ZNF274: variants seen among roughly 807,000 people sequenced by gnomAD.
The protein encoded by ZNF274 is neurotrophin receptor-interacting factor homolog.
A neutral mutation model predicts 42.5 loss-of-function variants in ZNF274; 23 were observed. The ratio of observed to expected loss-of-function variants is 0.54; its 90% CI spans 0.39 to 0.77. The LOEUF is 0.77. ZNF274 is among the 30% of genes least tolerant of loss of function. The pLI, the probability that ZNF274 is intolerant of heterozygous loss-of-function variation, is 0.00. For synonymous variants in ZNF274, 292 were observed against 305.4 expected (o/e 0.96, Z 0.46); for missense variants, 679 against 806.5 (o/e 0.84, Z 1.91).
In ZNF274 at chr19:58,207,408, A is replaced by C. The variant is rs2075992275; in HGVS notation, c.739+206A>C. Reference sequence around the variant, plus strand: ...TTCTTTAGCCCTTCGTGGGCTTCTGATGGAAGCACACAGATGAAGTGCTTC... The same window carrying C: ...TTCTTTAGCCCTTCGTGGGCTTCTGCTGGAAGCACACAGATGAAGTGCTTC... On this transcript the variant is annotated intron_variant, in intron 5 of 7. Transcript: ENST00000617501. The surrounding 1 kb of genome is among the most constrained non-coding windows in gnomAD (Gnocchi z 5.6). Among the ~76,000 whole-genome samples, 1 of 152,116 alleles carries C rather than the reference A, an allele frequency of 6.6e-6. No individual in the cohort carries two copies. Among genetic ancestry groups the C allele is most frequent in the Non-Finnish European group, 1.5e-5 (1 of 68,030 alleles).
At chr19:58,184,133 C>A in intron 2 of ZNF274, 135 bp downstream of exon 2, 1 of 976,304 alleles carries the variant, frequency 1.0e-6, no homozygotes, top group South Asian at 1.5e-5. Flanking sequence ...ATTGGTTGGG[C>A]ATGAGAGATC....
chr19:58,196,506 G>A (rs2075844245), intron 4 of ZNF274, among the ~76,000 whole-genome samples: 1 of 152,166 alleles, frequency 6.6e-6, no homozygotes, highest in Non-Finnish European at 1.5e-5. Context: ...AGGTTGCAGT[G>A]AGCTGGGATC....
chr19:58,200,845 T>G (rs1568705853), intron 4 of ZNF274, among the ~76,000 whole-genome samples: 1 of 152,124 alleles, frequency 6.6e-6, no homozygotes, highest in Admixed American at 6.6e-5. Flanking sequence ...TTTAATTGGC[T>G]CACAGTTCTG....
At chr19:58,186,553 G>T (rs1036123233) in intron 3 of ZNF274, among the ~76,000 whole-genome samples, 2 of 76,522 alleles carry the variant, frequency 2.6e-5, no homozygotes, top group East Asian at 6.0e-4. Context: ...AAAAAAAAAA[G>T]CCTGTCCCTT....
Position 58,186,806 on chromosome 19 carries a change from G to A in ZNF274, c.161-141G>A, listed in dbSNP as rs534107176. The A allele has an allele frequency of 3.1e-5, 21 of 667,602 alleles. No homozygotes were observed. The East Asian group carries it at 4.4e-4, about 14-fold the overall frequency. 41.4% of individuals were successfully genotyped at this position (667,602 alleles called of 1,614,324 possible). A position where few individuals can be genotyped will look rare whatever the true frequency, so the allele number is the denominator to read the frequency against. On this transcript the variant is annotated intron_variant, in intron 3 of 7. Coordinates refer to ENST00000617501, the MANE Select transcript of ZNF274 (RefSeq NM_133502.3). ...TCTAGGAAAGCCAACAACAGGGATG[G>A]ATGGAGTTGTGTTCACTGCTCTAGG...
chr19:58,203,092 CGTTTAAGATGTTTAA>C (rs1304166456), intron 4 of ZNF274, among the ~76,000 whole-genome samples: 8 of 152,228 alleles, frequency 5.3e-5, no homozygotes, highest in African/African-American at 1.4e-4. Flanking sequence ...TATGAAGTAA[CGTTTAAGATGTTTAA>C]GTGTCATGCA....
chr19:58,187,209 T>C (rs1464512984), intron 4 of ZNF274, among the ~76,000 whole-genome samples, 167 bp downstream of exon 4: 2 of 152,224 alleles, frequency 1.3e-5, no homozygotes, highest in Admixed American at 1.3e-4. Context: ...GTCAGCAGTG[T>C]CCTACTTGGT....
At chr19:58,200,996 G>GT (rs765393739) in intron 4 of ZNF274, among the ~76,000 whole-genome samples, 14 of 150,592 alleles carry the variant, frequency 9.3e-5, no homozygotes, top group South Asian at 2.1e-4. Flanking sequence ...GCCGCATACT[G>GT]TTGTTTGTTT....
intron 4 of ZNF274, among the ~76,000 whole-genome samples, chr19:58,196,216 G>C (rs376320753): frequency 6.6e-6 from 1 of 152,166 alleles, no homozygotes; most frequent in East Asian, 1.9e-4. Flanking sequence ...TATTATGAAG[G>C]TCATGATTTA....
chr19:58,192,608 A>G (rs1420447785), intron 4 of ZNF274, among the ~76,000 whole-genome samples: 4 of 152,226 alleles, frequency 2.6e-5, no homozygotes, highest in African/African-American at 7.2e-5. Flanking sequence ...ACATCCTCCC[A>G]TATAGCTGAA....
intron 4 of ZNF274, among the ~76,000 whole-genome samples, chr19:58,188,620 A>AATATATAT (rs60934983): frequency 1.1e-3 from 78 of 70,346 alleles, no homozygotes; most frequent in African/African-American, 1.7e-3. Context: ...AAAAAAAAAA[A>AATATATAT]ATATATATAT....
At position 58,194,193 on chromosome 19, in the gene ZNF274, T is replaced by G. The variant is rs140408425; in HGVS notation, c.256+7151T>G. On this transcript the variant is annotated intron_variant, in intron 4 of 7. Transcript: ENST00000617501. ...CAGTGCACCACTGCACTCCAGCCTT[T>G]GTTTCAAAAATATGTGTGTGTGTGG... 7.3e-4 allele frequency among the ~76,000 whole-genome samples: 111 copies of G among 151,972 alleles called. 1 individual carries two copies. The East Asian group carries it at 0.018, about 24-fold the overall frequency.
chr19:58,192,668 A>C (rs895836286), intron 4 of ZNF274, among the ~76,000 whole-genome samples: 1 of 152,228 alleles, frequency 6.6e-6, no homozygotes, highest in Non-Finnish European at 1.5e-5. Flanking sequence ...ATGCTGTGTA[A>C]GTAGTTGTTA....
chr19:58,204,020 A>G (rs1211011699), intron 4 of ZNF274, among the ~76,000 whole-genome samples: 1 of 152,142 alleles, frequency 6.6e-6, no homozygotes, highest in Non-Finnish European at 1.5e-5. Flanking sequence ...AGCGGTGGGC[A>G]CCTCCAGCCA....
intron 4 of ZNF274, among the ~76,000 whole-genome samples, chr19:58,201,993 C>G (rs1279285509): frequency 6.6e-6 from 1 of 152,064 alleles, no homozygotes; most frequent in East Asian, 1.9e-4. Flanking sequence ...CAGTGGTACA[C>G]TGGAGGAGAC....
intron 4 of ZNF274, among the ~76,000 whole-genome samples, chr19:58,203,499 AC>A (rs1330385632): frequency 2.7e-5 from 4 of 148,894 alleles, no homozygotes; most frequent in Non-Finnish European, 5.9e-5. Flanking sequence ...AATTGCTTGA[AC>A]CCGGGAGGCG....
At chr19:58,192,328 T>C (rs1466468097) in intron 4 of ZNF274, among the ~76,000 whole-genome samples, 4 of 152,200 alleles carry the variant, frequency 2.6e-5, no homozygotes, top group Admixed American at 6.5e-5. Flanking sequence ...CCCGCAGTTA[T>C]ACTTGGTAAT....
At chr19:58,201,425 A>G (rs901883710) in intron 4 of ZNF274, among the ~76,000 whole-genome samples, 1 of 150,832 alleles carries the variant, frequency 6.6e-6, no homozygotes, top group Non-Finnish European at 1.5e-5. Flanking sequence ...TCACTTTTCA[A>G]CCTGAGATTT....
rs1194883928 is a variant in ZNF274, at chr19:58,211,404, GT to G, written c.853-155del. The stretch of plus-strand genomic sequence containing the variant: ...CTGGTTTGGACCCAGTAGAACTCTT[GT>G]GGGCCCTGGGTTGGTGTCTCTGAGC... On this transcript the variant is annotated intron_variant, in intron 6 of 7. Coordinates refer to ENST00000617501, the MANE Select transcript of ZNF274 (RefSeq NM_133502.3). This position sits in a 1 kb window ranked among gnomAD's most constrained non-coding sequence, Gnocchi z 4.8. 193 of 928,852 alleles carry G rather than the reference GT, an allele frequency of 2.1e-4. No homozygotes were observed. The highest frequency in any genetic ancestry group is 2.9e-4 in the Non-Finnish European group (191 of 648,488). The allele number at this position is 928,852 out of a possible 1,614,324, so 57.5% of individuals were successfully genotyped here.
Sources: gnomAD v4.1 joint callset for allele counts (sites outside exome capture counted in the v4.1 genomes callset) on GRCh38, gnomAD v4.1.1 for gene constraint, Gnocchi (gnomAD v3.1) non-coding constraint, MANE v1.5 for transcripts, NCBI Gene and HGNC (gene_info 2026-07-23, HGNC 2026-07-21) for gene names.